Variants in QRICH1 observed in about 807,000 individuals in gnomAD.
QRICH1 encodes transcriptional regulator QRICH1.
Under a neutral mutation model 87.1 loss-of-function variants are expected in QRICH1, and 16 were observed. The ratio of observed to expected loss-of-function variants is 0.18; its 90% CI spans 0.12 to 0.28. QRICH1 has a LOEUF of 0.28. QRICH1 is among the 10% of genes least tolerant of loss of function. The pLI, the probability that QRICH1 is intolerant of heterozygous loss-of-function variation, is 1.00. For missense variants in QRICH1, 647 were observed against 951.7 expected (o/e 0.68, Z 4.21); for synonymous variants, 367 against 368.4 (o/e 1.00, Z 0.05).
intron 6 of QRICH1, among the ~76,000 whole-genome samples, chr3:49,038,119 T>C (rs997108374): frequency 6.6e-6 from 1 of 151,882 alleles, no homozygotes; most frequent in African/African-American, 2.4e-5. Context: ...TAGAGGGCAG[T>C]GGCGCGATCT....
At chr3:49,089,066 C>CT (rs995342605) in intron 1 of QRICH1, among the ~76,000 whole-genome samples, 69 of 143,222 alleles carry the variant, frequency 4.8e-4, no homozygotes, top group South Asian at 6.6e-4. Context: ...TTTTTCTTTT[C>CT]TTTTTTTTTT....
chr3:49,038,039 G>A (rs1281698219), intron 6 of QRICH1, among the ~76,000 whole-genome samples: 1 of 151,490 alleles, frequency 6.6e-6, no homozygotes, highest in Non-Finnish European at 1.5e-5. Flanking sequence ...AAATTTATAA[G>A]ACTATTAAAA....
chr3:49,082,628 G>A (rs1297110900), intron 1 of QRICH1, among the ~76,000 whole-genome samples: 1 of 152,062 alleles, frequency 6.6e-6, no homozygotes, highest in Admixed American at 6.6e-5. Flanking sequence ...GGGCACGGTG[G>A]CTCACGCCTG....
chr3:49,034,318 T>A (rs919267633), intron 6 of QRICH1, among the ~76,000 whole-genome samples: 1 of 151,668 alleles, frequency 6.6e-6, no homozygotes, highest in Non-Finnish European at 1.5e-5. Flanking sequence ...GGTGCACATC[T>A]GTGATCCCAG....
chr3:49,079,761 G>C (rs1185624189), intron 1 of QRICH1, among the ~76,000 whole-genome samples: 1 of 152,138 alleles, frequency 6.6e-6, no homozygotes, highest in Non-Finnish European at 1.5e-5. Context: ...CAGTGCGGTG[G>C]CTCACGCCTG....
intron 6 of QRICH1, among the ~76,000 whole-genome samples, chr3:49,037,724 T>A (rs2093284229): frequency 7.0e-6 from 1 of 142,530 alleles, no homozygotes; most frequent in Admixed American, 7.2e-5. Flanking sequence ...AGAGAGAGAC[T>A]CTGTATCCAA....
intron 4 of QRICH1, among the ~76,000 whole-genome samples, 172 bp from the exon 5 acceptor site, chr3:49,046,751 T>A (rs1461753753): frequency 6.6e-6 from 1 of 152,182 alleles, no homozygotes; most frequent in African/African-American, 2.4e-5. Flanking sequence ...ATGAGCCTAA[T>A]GCCAAGAAAG....
intron 3 of QRICH1, among the ~76,000 whole-genome samples, chr3:49,047,940 G>GA (rs1185326233): frequency 6.6e-6 from 1 of 151,744 alleles, no homozygotes; most frequent in Non-Finnish European, 1.5e-5. Context: ...AAAGAAAAAA[G>GA]AAAAAACAAA....
intron 2 of QRICH1, chr3:49,058,156 A>ATT: frequency 1.9e-6 from 1 of 521,786 alleles, no homozygotes; most frequent in Non-Finnish European, 3.2e-6. Context: ...CAAAAAAAAA[A>ATT]ATTTTTTTTT....
At chr3:49,048,971 G>A (rs1414933639) in intron 3 of QRICH1, among the ~76,000 whole-genome samples, 4 of 150,204 alleles carry the variant, frequency 2.7e-5, no homozygotes, top group Admixed American at 6.6e-5. Context: ...GCACGATCTC[G>A]GCTCACTGCA....
chr3:49,084,840 A>C (rs2042137617), intron 1 of QRICH1, among the ~76,000 whole-genome samples: 1 of 152,176 alleles, frequency 6.6e-6, no homozygotes, highest in Non-Finnish European at 1.5e-5. Context: ...TTCTTCTGTT[A>C]AACACTCTTC....
At position 49,044,508 on chromosome 3, in the gene QRICH1, A is replaced by C; in HGVS notation, c.1672-4T>G. On this transcript the variant is annotated splice_polypyrimidine_tract_variant and splice_region_variant and intron_variant, in intron 5 of 9. Coordinates refer to ENST00000395443, the MANE Select transcript of QRICH1 (RefSeq NM_198880.3). ...CCCTTCCATTTTCAAAAAGATACTA[A>C]AAGAAAAACAATTAATAGAAGTTAT... 6.4e-7 allele frequency: 1 copy of C among 1,572,500 alleles called. No individual in the cohort carries two copies. The highest frequency in any genetic ancestry group is 8.7e-7 in the Non-Finnish European group (1 of 1,144,398).
chr3:49,063,014 C>T (rs560016976), intron 2 of QRICH1, among the ~76,000 whole-genome samples: 1 of 151,284 alleles, frequency 6.6e-6, no homozygotes, highest in Non-Finnish European at 1.5e-5. Flanking sequence ...AAAAAAAAGG[C>T]TCAGGTTTTG....
At chr3:49,082,726 T>TC (rs2042086046) in intron 1 of QRICH1, among the ~76,000 whole-genome samples, 2 of 150,718 alleles carry the variant, frequency 1.3e-5, no homozygotes, top group Admixed American at 6.6e-5. Flanking sequence ...AAACCCTGTC[T>TC]CTACTAAAAA....
At chr3:49,048,242 C>G (rs1334371088) in intron 3 of QRICH1, among the ~76,000 whole-genome samples, 1 of 151,558 alleles carries the variant, frequency 6.6e-6, no homozygotes, top group Admixed American at 6.6e-5. Context: ...AAGCTATTCT[C>G]CTGCCTCAGC....
intron 1 of QRICH1, among the ~76,000 whole-genome samples, chr3:49,078,863 T>C (rs2106993674): frequency 6.6e-6 from 1 of 151,964 alleles, no homozygotes; most frequent in East Asian, 1.9e-4. Flanking sequence ...AGCTAATTTA[T>C]GTATTTTTAG....
chr3:49,037,538 C>T (rs372359654), intron 6 of QRICH1, among the ~76,000 whole-genome samples: 4 of 152,132 alleles, frequency 2.6e-5, no homozygotes, highest in Admixed American at 6.5e-5. Context: ...TCGCGACCAG[C>T]GCGGCCAACA....
In QRICH1 at chr3:49,057,756, G is replaced by A; in HGVS notation, c.444C>T (p.Ala148=). 6.2e-7 allele frequency: 1 copy of A among 1,614,188 alleles called. No individual in the cohort carries two copies. The highest frequency in any genetic ancestry group is 1.1e-5 in the South Asian group (1 of 91,090). Residue 148 remains alanine, a synonymous_variant, in exon 3 of 10, where the codon GCC becomes GCT. Transcript: ENST00000395443. This position sits in a 1 kb window ranked among gnomAD's most constrained non-coding sequence, Gnocchi z 5.4. Reference sequence around the variant, plus strand: ...GCAGAGACGGGGTCTGAATGGAGGGGGCTGCTGACTGTGGTGCCTGGCCTT... The same window carrying A: ...GCAGAGACGGGGTCTGAATGGAGGGAGCTGCTGACTGTGGTGCCTGGCCTT... ...QIQGQAPQSA[A]PSIQTPSLQS...
chr3:49,082,527 G>GA (rs1384006205), intron 1 of QRICH1, among the ~76,000 whole-genome samples: 2 of 151,156 alleles, frequency 1.3e-5, no homozygotes, highest in Non-Finnish European at 2.9e-5. Flanking sequence ...TCAGCTGTCA[G>GA]AAAAAATAAA....
Sources: allele counts gnomAD v4.1 joint callset (sites outside exome capture counted in the v4.1 genomes callset), GRCh38; gene constraint gnomAD v4.1.1; non-coding constraint Gnocchi (gnomAD v3.1); transcripts MANE v1.5; gene names NCBI Gene and HGNC (gene_info 2026-07-23, HGNC 2026-07-21).